Variants in ARHGEF17 observed in about 807,000 individuals in gnomAD.
ARHGEF17 encodes Rho guanine nucleotide exchange factor 17.
A neutral mutation model predicts 174.0 loss-of-function variants in ARHGEF17; 80 were observed. The ratio of observed to expected loss-of-function variants is 0.46; its 90% CI spans 0.38 to 0.55. ARHGEF17 has a LOEUF of 0.55. Among genes scored for constraint, ARHGEF17 ranks in the 20% least tolerant of loss-of-function variants. ARHGEF17 has a pLI of 0.00. For missense variants in ARHGEF17, 2,886 were observed against 2,839.7 expected (o/e 1.02, Z -0.37); for synonymous variants, 1,311 against 1,189.1 (o/e 1.10, Z -2.11).
intron 11 of ARHGEF17, 93 bp from the exon 12 acceptor site, chr11:73,360,995 C>T: frequency 9.6e-7 from 1 of 1,038,752 alleles, no homozygotes; most frequent in Non-Finnish European, 1.5e-6. Flanking sequence ...CCCTGAGGGG[C>T]AGGGGAGGAA....
chr11:73,340,544 C>T (rs564062891), intron 1 of ARHGEF17, among the ~76,000 whole-genome samples: 2 of 152,274 alleles, frequency 1.3e-5, no homozygotes, highest in South Asian at 4.1e-4. Context: ...TCTGCAGGGC[C>T]CCATCCCACT....
rs764832084 is a variant in ARHGEF17 at position 73,364,226 on chromosome 11, C to T, written c.5388C>T (p.Tyr1796=). 3.1e-6 allele frequency: 5 copies of T among 1,614,050 alleles called. No individual in the cohort carries two copies. In the East Asian group the frequency reaches 8.9e-5, roughly 29 times the overall value. Residue 1796 remains tyrosine (Y), a synonymous_variant, in exon 17 of 21, where the codon TAC becomes TAT. Coordinates refer to ENST00000263674, the MANE Select transcript of ARHGEF17 (RefSeq NM_014786.4). Reference sequence around the variant, plus strand: ...TGGCCAATGGAGAGCTTGTGGTCTACCAAAGGGAAGCAGGTGAGTATCTGC... The same window carrying T: ...TGGCCAATGGAGAGCTTGTGGTCTATCAAAGGGAAGCAGGTGAGTATCTGC... ...VSLANGELVV[Y]QREAGHFWDP...
At position 73,308,582 on chromosome 11, in the gene ARHGEF17, AG is replaced by A. The variant is rs946366814; in HGVS notation, c.-50del. The stretch of plus-strand genomic sequence containing the variant: ...CTGCGCTCCTAGGGAGTGGGGGCGC[AG>A]GGGGGGTTGGCCGCGGCTGCCCGAG... On this transcript the variant is annotated 5_prime_UTR_variant, in exon 1 of 21. Transcript: ENST00000263674. 44 of 1,353,906 alleles carry A rather than the reference AG, an allele frequency of 3.2e-5. No homozygotes were observed. Among genetic ancestry groups the A allele is most frequent in the Admixed American group, 1.1e-4 (3 of 26,340 alleles). The allele number at this position is 1,353,906 out of a possible 1,614,324, so 83.9% of individuals were successfully genotyped here. A position where few individuals can be genotyped will look rare whatever the true frequency, so the allele number is the denominator to read the frequency against.
Position 73,365,972 on chromosome 11 carries a change from G to A in ARHGEF17, c.5995+25G>A. ...GGTGGGTCAGTGCATCATACCCCAA[G>A]CTAGGGATCATGGACATTTGGTTTA... is the stretch of plus-strand genomic sequence containing the variant. On this transcript the variant is annotated intron_variant, in intron 20 of 20. Coordinates refer to ENST00000263674, the MANE Select transcript of ARHGEF17 (RefSeq NM_014786.4). This position sits in a 1 kb window ranked among gnomAD's most constrained non-coding sequence, Gnocchi z 4.9. The A allele has an allele frequency of 6.3e-7, 1 of 1,586,600 alleles. No homozygotes were observed. Among genetic ancestry groups the A allele is most frequent in the East Asian group, 2.2e-5 (1 of 44,492 alleles).
intron 15 of ARHGEF17, 109 bp from the exon 16 acceptor site, chr11:73,363,638 C>T (rs562215849): frequency 1.4e-5 from 21 of 1,508,306 alleles, no homozygotes; most frequent in Non-Finnish European, 1.9e-5. Flanking sequence ...GTACCTTGGG[C>T]AGGCACCCAG....
intron 1 of ARHGEF17, among the ~76,000 whole-genome samples, chr11:73,331,884 G>A (rs1865209210): frequency 6.6e-6 from 1 of 152,128 alleles, no homozygotes. Context: ...TCTTCCTGAG[G>A]TGACTGCTGT....
chr11:73,339,783 C>CA (rs999280794), intron 1 of ARHGEF17, among the ~76,000 whole-genome samples: 2 of 152,158 alleles, frequency 1.3e-5, no homozygotes, highest in African/African-American at 4.8e-5. Context: ...TCTTGTAGAG[C>CA]AGAGCCCTTT....
In ARHGEF17 at chr11:73,309,479, C is replaced by G; in HGVS notation, c.841C>G (p.Arg281Gly). 7 of 1,544,242 alleles carry G rather than the reference C, an allele frequency of 4.5e-6. No individual in the cohort carries two copies. The highest frequency in any genetic ancestry group is 6.1e-6 in the Non-Finnish European group (7 of 1,143,970). ...CCACTCCTCGGGCAGTGACGACGAC[C>G]GAGACGGTGAGGGCGGCCACCGCTG... ...GGHSSGSDDD[R>G]DGEGGHRWGG... Residue 281 changes from arginine (R) to glycine (G), a missense_variant, in exon 1 of 21, where the codon CGA becomes GGA. Around this residue, in one of 4 missense-constraint regions of ARHGEF17, gnomAD observed 1,728 missense variants for 1,461.2 expected, o/e 1.18. Coordinates refer to ENST00000263674, the MANE Select transcript of ARHGEF17 (RefSeq NM_014786.4).
intron 1 of ARHGEF17, among the ~76,000 whole-genome samples, chr11:73,345,538 C>G (rs1865446378): frequency 6.6e-6 from 1 of 152,012 alleles, no homozygotes; most frequent in Non-Finnish European, 1.5e-5. Context: ...TCAGGCAGGA[C>G]AGGCCTGGGC....
At chr11:73,360,838 G>A (rs1272030337) in intron 11 of ARHGEF17, among the ~76,000 whole-genome samples, 1 of 152,198 alleles carries the variant, frequency 6.6e-6, no homozygotes, top group African/African-American at 2.4e-5. Flanking sequence ...GCTGGATCAG[G>A]GAAAGCGATT....
At chr11:73,340,086 C>T (rs1865346665) in intron 1 of ARHGEF17, among the ~76,000 whole-genome samples, 2 of 152,194 alleles carry the variant, frequency 1.3e-5, no homozygotes, top group South Asian at 4.1e-4. Flanking sequence ...AGCCCCCACC[C>T]CAACTGACCT....
At chr11:73,337,280 C>T (rs1865300753) in intron 1 of ARHGEF17, among the ~76,000 whole-genome samples, 1 of 151,950 alleles carries the variant, frequency 6.6e-6, no homozygotes, top group South Asian at 2.1e-4. Flanking sequence ...TGGTGGTGCG[C>T]ACCTGTACCC....
chr11:73,309,624 C>A lies in ARHGEF17; in HGVS notation c.986C>A (p.Pro329His). Residue 329 changes from proline (P) to histidine (H), a missense_variant, in exon 1 of 21, where the codon CCC (proline) becomes CAC (histidine). Pro to His is a moderately conservative substitution (Grantham distance 77). Coordinates refer to ENST00000263674, the MANE Select transcript of ARHGEF17 (RefSeq NM_014786.4). ...GCAGGGGTTTCTGGGAGCCCTGAGCCCCCAACATCTCCAAGAGCCCCTAGA... is the reference window on the plus strand; with the variant it reads ...GCAGGGGTTTCTGGGAGCCCTGAGCACCCAACATCTCCAAGAGCCCCTAGA... ...NSAGVSGSPE[P>H]PTSPRAPREE... 2 of 1,613,068 alleles carry A rather than the reference C, an allele frequency of 1.2e-6. No individual in the cohort carries two copies. Among genetic ancestry groups the A allele is most frequent in the Non-Finnish European group, 1.7e-6 (2 of 1,180,014 alleles).
chr11:73,349,781 G>T (rs1340413865), intron 2 of ARHGEF17, among the ~76,000 whole-genome samples: 1 of 152,224 alleles, frequency 6.6e-6, no homozygotes, highest in Non-Finnish European at 1.5e-5. Flanking sequence ...TTGGGAGAGG[G>T]TGCAGGACCT....
At chr11:73,367,318 T>TA (rs1425620530) in intron 20 of ARHGEF17, among the ~76,000 whole-genome samples, 1 of 152,120 alleles carries the variant, frequency 6.6e-6, no homozygotes, top group Non-Finnish European at 1.5e-5. Context: ...ACTTACATTG[T>TA]AAAAAGAAAA....
chr11:73,308,948 G>T lies in ARHGEF17; in HGVS notation c.310G>T (p.Gly104Ter). 7.4e-7 allele frequency: 1 copy of T among 1,359,878 alleles called. No homozygotes were observed. 84.2% of individuals were successfully genotyped at this position (1,359,878 alleles called of 1,614,324 possible). The change falls in exon 1 of 21, where the codon GGA (glycine) becomes TGA (stop). Residue 104 changes from glycine (G) to a stop codon, truncating the protein, a stop_gained. Coordinates refer to ENST00000263674, the MANE Select transcript of ARHGEF17 (RefSeq NM_014786.4). LOFTEE classifies it high-confidence loss of function. ...LDDGSAGTRD[G>*]GVLPAAAEEA... ...CGACGGCTCCGCTGGGACCCGAGACGGAGGCGTCTTACCCGCGGCCGCGGA... is the reference window on the plus strand; with the variant it reads ...CGACGGCTCCGCTGGGACCCGAGACTGAGGCGTCTTACCCGCGGCCGCGGA...
chr11:73,363,707 G>A (rs564368677), intron 15 of ARHGEF17, 40 bp from the exon 16 acceptor site: 1 of 1,606,764 alleles, frequency 6.2e-7, no homozygotes, highest in Admixed American at 1.7e-5. Flanking sequence ...GGGCTGGTGT[G>A]CCCCAAGCAT....
chr11:73,321,860 G>A (rs573946723), intron 1 of ARHGEF17, among the ~76,000 whole-genome samples: 1 of 152,344 alleles, frequency 6.6e-6, no homozygotes, highest in South Asian at 2.1e-4. Flanking sequence ...AGGCAGTGGG[G>A]GCAGTGTGAT....
chr11:73,308,680 C>T lies in ARHGEF17; in HGVS notation c.42C>T (p.Val14=). 1 of 1,519,012 alleles carries T rather than the reference C, an allele frequency of 6.6e-7. No individual in the cohort carries two copies. Among genetic ancestry groups the T allele is most frequent in the Non-Finnish European group, 8.8e-7 (1 of 1,136,546 alleles). 94.1% of individuals were successfully genotyped at this position (1,519,012 alleles called of 1,614,324 possible). ...CCCGGCCCCAGCTTTACCGCAGCGT[C>T]TCGTTCAAGCTGCTGGAGCGCTGGA... is the stretch of plus-strand genomic sequence containing the variant. The part of the protein sequence containing the change: ...GAPRPQLYRS[V]SFKLLERWSG... Residue 14 remains valine, a synonymous_variant, in exon 1 of 21, where the codon GTC becomes GTT. Transcript: ENST00000263674.
Sources: gnomAD v4.1 joint callset for allele counts (sites outside exome capture counted in the v4.1 genomes callset) on GRCh38, gnomAD v4.1.1 for gene constraint, gnomAD v4.1.1 regional missense constraint, Gnocchi (gnomAD v3.1) non-coding constraint, MANE v1.5 for transcripts, NCBI Gene and HGNC (gene_info 2026-07-23, HGNC 2026-07-21) for gene names.